RABGAP1L: variants seen among roughly 807,000 people sequenced by gnomAD.
RABGAP1L encodes RAB GTPase activating protein 1 like.
In RABGAP1L, 63 loss-of-function variants were observed where a neutral mutation model predicts 137.7. The observed-to-expected ratio is 0.46, with a 90% CI of 0.37 to 0.56. The LOEUF is 0.56. RABGAP1L is among the 20% of genes least tolerant of loss of function. The probability of loss-of-function intolerance (pLI) is 0.00; values close to 1 mark genes in which losing one functional copy is unlikely to be tolerated. For synonymous variants in RABGAP1L, 431 were observed against 433.7 expected, an observed-to-expected ratio of 0.99 and a Z score of 0.08; for missense variants, 1,095 against 1,244.0, an observed-to-expected ratio of 0.88 and a Z score of 1.80.
chr1:174,938,330 G>T (rs989181657), intron 19 of RABGAP1L: 3 of 152,162 alleles, frequency 2.0e-5, no homozygotes, highest in African/African-American at 7.2e-5. Context: ...ATAGTTTCTT[G>T]TAATAAAATA....
chr1:174,292,768 A>G (rs116172433), intron 10 of RABGAP1L, among the ~76,000 whole-genome samples: 1,539 of 152,278 alleles, frequency 0.01, 21 homozygotes, highest in African/African-American at 0.034. Context: ...GTCAAGTTCT[A>G]TAATAAGATT....
intron 1 of RABGAP1L, among the ~76,000 whole-genome samples, chr1:174,172,202 G>A (rs895801638): frequency 6.7e-6 from 1 of 148,266 alleles, no homozygotes; most frequent in African/African-American, 2.5e-5. Context: ...GTGTGTGTGT[G>A]TGTGTGTGTG....
chr1:174,984,370 A>C, intron 24 of RABGAP1L, among the ~76,000 whole-genome samples: 1 of 152,264 alleles, frequency 6.6e-6, no homozygotes, highest in Admixed American at 6.5e-5. Flanking sequence ...GAAATTACAC[A>C]TGAAAAGGAG....
intron 19 of RABGAP1L, among the ~76,000 whole-genome samples, chr1:174,936,593 T>C (rs1475409357): frequency 6.6e-6 from 1 of 152,130 alleles, no homozygotes; most frequent in African/African-American, 2.4e-5. Flanking sequence ...CAAGACCCTT[T>C]CTCAAAAAAT....
chr1:174,730,450 A>G (rs1407041139), intron 17 of RABGAP1L, among the ~76,000 whole-genome samples: 2 of 152,194 alleles, frequency 1.3e-5, no homozygotes, highest in African/African-American at 4.8e-5. Flanking sequence ...CTGCATATGT[A>G]TCCCCTGAAT....
At chr1:174,534,324 C>T (rs180803607) in intron 13 of RABGAP1L, among the ~76,000 whole-genome samples, 176 of 152,080 alleles carry the variant, frequency 1.2e-3, no homozygotes, top group Middle Eastern at 3.4e-3. Flanking sequence ...ATCCCCCTGC[C>T]GTTATTCATG....
chr1:174,448,824 A>G lies in RABGAP1L; in HGVS notation c.1710+54679A>G. 6.2e-7 allele frequency: 1 copy of G among 1,614,150 alleles called. No homozygotes were observed. ...TGCCGTCAGCACACCAAAGAGATAA[A>G]TGACCGAAGAGCCCGATTCCCTAGT... On this transcript the variant is annotated intron_variant, in intron 13 of 25. Coordinates refer to ENST00000681986, the MANE Select transcript of RABGAP1L (RefSeq NM_001366446.1). The surrounding 1 kb of genome is among the most constrained non-coding windows in gnomAD (Gnocchi z 4.2).
chr1:174,222,044 G>A (rs559752277), intron 3 of RABGAP1L, among the ~76,000 whole-genome samples: 44 of 151,018 alleles, frequency 2.9e-4, no homozygotes, highest in Non-Finnish European at 5.8e-4. Flanking sequence ...TGACCAGGCC[G>A]GTCTTGAATT....
At chr1:174,716,458 T>G (rs1399663270) in intron 17 of RABGAP1L, among the ~76,000 whole-genome samples, 1 of 152,194 alleles carries the variant, frequency 6.6e-6, no homozygotes, top group Non-Finnish European at 1.5e-5. Context: ...TTTGGCATTT[T>G]TAACCAAAGA....
intron 13 of RABGAP1L, among the ~76,000 whole-genome samples, chr1:174,635,228 G>A (rs1026203702): frequency 6.6e-6 from 1 of 151,994 alleles, no homozygotes; most frequent in African/African-American, 2.4e-5. Flanking sequence ...ACAGTCCAAC[G>A]ATTTCTCTCT....
intron 13 of RABGAP1L, among the ~76,000 whole-genome samples, chr1:174,557,771 A>G (rs1666970543): frequency 6.6e-6 from 1 of 152,208 alleles, no homozygotes; most frequent in African/African-American, 2.4e-5. Flanking sequence ...CTTAGGAGTT[A>G]GAGTTTTACA....
chr1:174,455,590 T>C (rs2149268032), intron 13 of RABGAP1L, among the ~76,000 whole-genome samples: 1 of 152,246 alleles, frequency 6.6e-6, no homozygotes, highest in African/African-American at 2.4e-5. Context: ...AGTATAGCTT[T>C]AAGATGTTTA....
At chr1:174,628,335 G>A (rs1194971445) in intron 13 of RABGAP1L, among the ~76,000 whole-genome samples, 2 of 152,094 alleles carry the variant, frequency 1.3e-5, no homozygotes, top group Non-Finnish European at 2.9e-5. Context: ...GAAAACAGTT[G>A]TTTATTTAGG....
rs575732678 is a variant in RABGAP1L, at chr1:174,995,276, T to C, written c.*5275T>C. ...GCTTTGTGTTGCCCCTTTGGCCCCA[T>C]TAAGCAGTAATAAACATTTGTTCTG... On this transcript the variant is annotated 3_prime_UTR_variant, in exon 26 of 26. Coordinates refer to ENST00000681986, the MANE Select transcript of RABGAP1L (RefSeq NM_001366446.1). 23 of 152,360 alleles carry C rather than the reference T, an allele frequency of 1.5e-4. No homozygotes were observed. The highest frequency in any genetic ancestry group is 5.3e-4 in the African/African-American group (22 of 41,594). The allele number at this position is 152,360 out of a possible 1,614,324, so 9.4% of individuals were successfully genotyped here. A position where few individuals can be genotyped will look rare whatever the true frequency, so the allele number is the denominator to read the frequency against.
intron 18 of RABGAP1L, among the ~76,000 whole-genome samples, chr1:174,755,194 C>G (rs79388999): frequency 6.6e-6 from 1 of 152,054 alleles, no homozygotes; most frequent in Admixed American, 6.5e-5. Flanking sequence ...ACTTTCTGAA[C>G]GGGACCAACT....
chr1:174,954,209 T>C (rs3753563), intron 19 of RABGAP1L: 111,171 of 152,122 alleles, frequency 0.73, 41,883 homozygotes, highest in African/African-American at 0.93. Flanking sequence ...CCTCCTCCAC[T>C]CTTTTCCCCT....
chr1:174,674,161 A>G (rs1677402621), intron 14 of RABGAP1L, among the ~76,000 whole-genome samples: 1 of 150,944 alleles, frequency 6.6e-6, no homozygotes. Context: ...ATATGTATAC[A>G]TGTGCCATGC....
At chr1:174,349,590 C>T (rs1682860758) in intron 11 of RABGAP1L, among the ~76,000 whole-genome samples, 1 of 117,450 alleles carries the variant, frequency 8.5e-6, no homozygotes, top group Non-Finnish European at 1.9e-5. Flanking sequence ...GGGGGCTGAC[C>T]CCCCCCACCT....
At chr1:174,167,292 TTG>T (rs1251277734) in intron 1 of RABGAP1L, among the ~76,000 whole-genome samples, 1 of 152,246 alleles carries the variant, frequency 6.6e-6, no homozygotes, top group Non-Finnish European at 1.5e-5. Context: ...ACCATTTTTT[TTG>T]TGTGTGTGGT....
Sources: allele counts gnomAD v4.1 joint callset (sites outside exome capture counted in the v4.1 genomes callset), GRCh38; gene constraint gnomAD v4.1.1; non-coding constraint Gnocchi (gnomAD v3.1); transcripts MANE v1.5; gene names NCBI Gene and HGNC (gene_info 2026-07-23, HGNC 2026-07-21).